The following GLDC variants were observed in gnomAD, a reference collection of about 807,000 sequenced individuals.
GLDC encodes the protein glycine dehydrogenase (decarboxylating), mitochondrial.
Under a neutral mutation model 121.3 loss-of-function variants are expected in GLDC, and 104 were observed. The ratio of observed to expected loss-of-function variants is 0.86; its 90% CI spans 0.73 to 1.01. The LOEUF is 1.01. Ranked by LOEUF, GLDC falls within the 50% of genes least tolerant of loss-of-function variation. The pLI is 0.00. For synonymous variants in GLDC, 546 were observed against 480.6 expected (o/e 1.14, Z -1.78); for missense variants, 1,429 against 1,306.6 (o/e 1.09, Z -1.44).
chr9:6,540,185 G>C (rs1332642859), intron 21 of GLDC, 39 bp from the exon 22 acceptor site: 1 of 1,240,392 alleles, frequency 8.1e-7, no homozygotes, highest in African/African-American at 1.5e-5. Context: ...ATTAGCATCA[G>C]CTTATTGTTT....
intron 2 of GLDC, among the ~76,000 whole-genome samples, chr9:6,641,097 A>C (rs1819621240): frequency 6.6e-6 from 1 of 152,204 alleles, no homozygotes; most frequent in Non-Finnish European, 1.5e-5. Context: ...TATTTTGTCA[A>C]GGCACTTTCT....
In GLDC at chr9:6,641,533, T is replaced by G. The variant is rs540710605; in HGVS notation, c.334+3081A>C. Among the ~76,000 whole-genome samples, 12 of 152,360 alleles carry G rather than the reference T, an allele frequency of 7.9e-5. No homozygotes were observed. In the South Asian group the frequency reaches 2.5e-3, roughly 32 times the overall value. ...TGGAGTGTGGACAGTGGAGCTGGGC[T>G]GCCTGGGTTTGAATTCTGCCTCCAT... On this transcript the variant is annotated intron_variant, in intron 2 of 24. Transcript: ENST00000321612.
intron 16 of GLDC, among the ~76,000 whole-genome samples, chr9:6,561,509 C>A (rs1172619479): frequency 6.6e-6 from 1 of 152,046 alleles, no homozygotes; most frequent in African/African-American, 2.4e-5. Flanking sequence ...AATAGCCAGG[C>A]ATGGTGGTGC....
rs1267445790 is a variant in GLDC at position 6,640,706 on chromosome 9, T to TTAGTTCAGTC, written c.334+3898_334+3907dup. On this transcript the variant is annotated intron_variant, in intron 2 of 24. Coordinates refer to ENST00000321612, the MANE Select transcript of GLDC (RefSeq NM_000170.3). ...TTTAATCCCTGCAGTTTATCTATGA[T>TTAGTTCAGTC]TAGTTCAGTCTAGTTCAGTCTAGTT... Among the ~76,000 whole-genome samples the TTAGTTCAGTC allele has an allele frequency of 3.9e-5, 6 of 152,324 alleles. No homozygotes were observed. In the East Asian group the frequency reaches 1.2e-3, roughly 29 times the overall value.
At chr9:6,589,924 G>A (rs923843070) in intron 11 of GLDC, among the ~76,000 whole-genome samples, 5 of 151,940 alleles carry the variant, frequency 3.3e-5, no homozygotes, top group South Asian at 2.1e-4. Flanking sequence ...TCGTGTTGGC[G>A]GGTGCCTGTA....
intron 4 of GLDC, among the ~76,000 whole-genome samples, chr9:6,607,268 G>C (rs903102552): frequency 2.0e-5 from 3 of 151,878 alleles, no homozygotes; most frequent in African/African-American, 7.3e-5. Context: ...AGAAAATAAA[G>C]CAAAGGACAG....
intron 8 of GLDC, among the ~76,000 whole-genome samples, chr9:6,597,296 C>G (rs1818509819): frequency 6.6e-6 from 1 of 152,140 alleles, no homozygotes; most frequent in Admixed American, 6.5e-5. Context: ...AAATTAAATA[C>G]TGGTGATAGT....
intron 15 of GLDC, among the ~76,000 whole-genome samples, chr9:6,576,290 G>C (rs780705500): frequency 3.3e-5 from 5 of 152,156 alleles, no homozygotes; most frequent in Non-Finnish European, 5.9e-5. Flanking sequence ...CTGGTTCATA[G>C]ATAGCTGTGG....
chr9:6,540,123 A>C lies in GLDC; in HGVS notation c.2593T>G (p.Leu865Val). ...ARGYVGHEFI[L>V]DTRPFKKSAN... ...GACTTTTTGAAGGGTCTCGTGTCCAAAATAAATTCATGACCCACATAACCT... is the reference window on the plus strand; with the variant it reads ...GACTTTTTGAAGGGTCTCGTGTCCACAATAAATTCATGACCCACATAACCT... The change falls in exon 22 of 25, where the codon TTG becomes GTG. Residue 865 changes from leucine (L) to valine (V), a missense_variant. By Grantham distance (32) the Leu-to-Val change is conservative (BLOSUM62 1). Coordinates refer to ENST00000321612, the MANE Select transcript of GLDC (RefSeq NM_000170.3). 6.2e-7 allele frequency: 1 copy of C among 1,612,270 alleles called. No individual in the cohort carries two copies. Among genetic ancestry groups the C allele is most frequent in the Non-Finnish European group, 8.5e-7 (1 of 1,178,286 alleles).
At chr9:6,535,233 T>C (rs1292173564) in intron 23 of GLDC, among the ~76,000 whole-genome samples, 3 of 152,122 alleles carry the variant, frequency 2.0e-5, no homozygotes, top group Non-Finnish European at 4.4e-5. Context: ...TCCACTTGTA[T>C]TATAACTCAC....
At chr9:6,602,001 C>T (rs560227807) in intron 8 of GLDC, 108 bp downstream of exon 8, 9 of 756,110 alleles carry the variant, frequency 1.2e-5, no homozygotes, top group South Asian at 1.1e-4. Flanking sequence ...TTCTGGTGTG[C>T]TCACTGCTCA....
intron 3 of GLDC, 59 bp downstream of exon 3, chr9:6,620,125 G>T: frequency 5.8e-6 from 9 of 1,544,244 alleles, no homozygotes; most frequent in South Asian, 1.1e-5. Flanking sequence ...GACAGATGGA[G>T]GATGGAGAGA....
chr9:6,622,097 TA>T (rs1349831798), intron 2 of GLDC, among the ~76,000 whole-genome samples: 1 of 152,028 alleles, frequency 6.6e-6, no homozygotes, highest in Admixed American at 6.6e-5. Flanking sequence ...TCTATCTGAA[TA>T]TTATTTGCAT....
chr9:6,585,899 C>CTATCTAT (rs1170236539), intron 15 of GLDC, among the ~76,000 whole-genome samples: 3,900 of 94,176 alleles, frequency 0.041, 93 homozygotes, highest in South Asian at 0.092. Context: ...TATCATCTGT[C>CTATCTAT]CATCGGTCCA....
At chr9:6,642,403 C>T (rs867104136) in intron 2 of GLDC, among the ~76,000 whole-genome samples, 2 of 151,994 alleles carry the variant, frequency 1.3e-5, no homozygotes, top group Admixed American at 6.6e-5. Flanking sequence ...TGGTGGTGCA[C>T]GTCTGTAATC....
At position 6,602,219 on chromosome 9, in the gene GLDC, A is replaced by C. The variant is rs761761138; in HGVS notation, c.1059-14T>G. The stretch of plus-strand genomic sequence containing the variant: ...CCAGTGGCATCTCTACACCAAGAAT[A>C]AGGCATCCAGTTAGCACAGATAATC... On this transcript the variant is annotated splice_polypyrimidine_tract_variant and intron_variant, in intron 7 of 24. Coordinates refer to ENST00000321612, the MANE Select transcript of GLDC (RefSeq NM_000170.3). 2.7e-6 allele frequency: 4 copies of C among 1,483,458 alleles called. No homozygotes were observed. The highest frequency in any genetic ancestry group is 1.1e-5 in the South Asian group (1 of 88,398). The allele number at this position is 1,483,458 out of a possible 1,614,324, so 91.9% of individuals were successfully genotyped here.
intron 3 of GLDC, among the ~76,000 whole-genome samples, chr9:6,618,444 A>G (rs1819008610): frequency 6.6e-6 from 1 of 152,078 alleles, no homozygotes; most frequent in Admixed American, 6.6e-5. Context: ...ACTAGCTGCG[A>G]TTACAGGCAT....
chr9:6,586,043 C>G (rs1376388464), intron 15 of GLDC, among the ~76,000 whole-genome samples: 3 of 152,136 alleles, frequency 2.0e-5, no homozygotes, highest in South Asian at 2.1e-4. Context: ...CACCTGTAAT[C>G]CCAACACTTT....
chr9:6,621,052 C>A (rs1406853692), intron 2 of GLDC, among the ~76,000 whole-genome samples: 3 of 152,124 alleles, frequency 2.0e-5, no homozygotes, highest in Non-Finnish European at 4.4e-5. Context: ...CACCTGTGGT[C>A]CCAGATTCTT....
Sources: allele counts gnomAD v4.1 joint callset (sites outside exome capture counted in the v4.1 genomes callset), GRCh38; gene constraint gnomAD v4.1.1; transcripts MANE v1.5; gene names NCBI Gene and HGNC (gene_info 2026-07-23, HGNC 2026-07-21).